Variants in ABTB3 observed in about 807,000 individuals in gnomAD.
The protein encoded by ABTB3 is ankyrin repeat- and BTB/POZ domain-containing protein 3.
the ABTB3 span, among the ~76,000 whole-genome samples, chr12:107,497,473 A>G: frequency 6.6e-6 from 1 of 150,622 alleles, no homozygotes; most frequent in African/African-American, 2.5e-5. Context: ...TATTACCACC[A>G]TCATCATCAC....
chr12:107,571,635 C>T, the ABTB3 span, among the ~76,000 whole-genome samples: 32 of 152,354 alleles, frequency 2.1e-4, no homozygotes, highest in Admixed American at 5.2e-4. Flanking sequence ...GCGTGTTTCG[C>T]GGCAGCCTCA....
the ABTB3 span, among the ~76,000 whole-genome samples, chr12:107,370,290 C>G: frequency 9.4e-3 from 1,437 of 152,324 alleles, 15 homozygotes; most frequent in African/African-American, 0.029. Flanking sequence ...TGGCCCATGT[C>G]GGTTCGTGGA....
At chr12:107,464,268 C>T in the ABTB3 span, among the ~76,000 whole-genome samples, 120 of 141,002 alleles carry the variant, frequency 8.5e-4, 3 homozygotes, top group South Asian at 0.026. Flanking sequence ...TGTATTTATG[C>T]AGTGGCCAGA....
chr12:107,338,766 A>G, the ABTB3 span, among the ~76,000 whole-genome samples: 7 of 152,232 alleles, frequency 4.6e-5, no homozygotes, highest in African/African-American at 1.7e-4. Flanking sequence ...ATCAGCAGTC[A>G]TCAGAGGTGA....
chr12:107,640,304 A>C, the ABTB3 span: 1 of 1,507,068 alleles, frequency 6.6e-7, no homozygotes, highest in Non-Finnish European at 9.1e-7. Flanking sequence ...TCCCTTTCCT[A>C]TTCCAGATCC....
At chr12:107,482,913 C>CTTTCT in the ABTB3 span, among the ~76,000 whole-genome samples, 140 of 118,042 alleles carry the variant, frequency 1.2e-3, 1 homozygote, top group Non-Finnish European at 1.4e-3. Flanking sequence ...TCTCTTTCTT[C>CTTTCT]TTCTTTCTTT....
At chr12:107,657,611 A>G in the ABTB3 span, 1 of 1,614,092 alleles carries the variant, frequency 6.2e-7, no homozygotes, top group Non-Finnish European at 8.5e-7. Flanking sequence ...CCTGTATGAC[A>G]AAAATGGTGA....
At chr12:107,648,689 A>G in the ABTB3 span, among the ~76,000 whole-genome samples, 3 of 152,170 alleles carry the variant, frequency 2.0e-5, no homozygotes, top group Non-Finnish European at 2.9e-5. Context: ...ACATTGTAAT[A>G]AGGAGCAGGT....
At chr12:107,411,925 T>C in the ABTB3 span, among the ~76,000 whole-genome samples, 1 of 152,152 alleles carries the variant, frequency 6.6e-6, no homozygotes, top group Non-Finnish European at 1.5e-5. Context: ...TGAGAGCAAG[T>C]CCTTTTATGG....
the ABTB3 span, among the ~76,000 whole-genome samples, chr12:107,564,088 CTCTGTGTGTGTGTG>C: frequency 7.4e-4 from 102 of 138,062 alleles, no homozygotes; most frequent in South Asian, 2.4e-3. Flanking sequence ...CTATCTATCT[CTCTGTGTGTGTGTG>C]TGTGTGTGTG....
chr12:107,357,203 G>A, the ABTB3 span, among the ~76,000 whole-genome samples: 1 of 152,306 alleles, frequency 6.6e-6, no homozygotes, highest in East Asian at 1.9e-4. Context: ...CATTTATGGG[G>A]CATATTTTGC....
chr12:107,550,725 T>C, the ABTB3 span, among the ~76,000 whole-genome samples: 6 of 151,800 alleles, frequency 4.0e-5, no homozygotes, highest in South Asian at 1.0e-3. Flanking sequence ...GGACTACAGG[T>C]GCATGCTATC....
the ABTB3 span, among the ~76,000 whole-genome samples, chr12:107,632,230 C>T: frequency 2.6e-5 from 4 of 152,012 alleles, no homozygotes; most frequent in African/African-American, 7.3e-5. Flanking sequence ...CACCGCTGTC[C>T]GCCAAAAAAG....
At chr12:107,498,377 G>T in the ABTB3 span, among the ~76,000 whole-genome samples, 1 of 152,184 alleles carries the variant, frequency 6.6e-6, no homozygotes, top group Non-Finnish European at 1.5e-5. Context: ...ACCCTGAGGA[G>T]CCTCGTGAAG....
the ABTB3 span, among the ~76,000 whole-genome samples, chr12:107,656,890 T>C: frequency 6.6e-6 from 1 of 151,984 alleles, no homozygotes; most frequent in Non-Finnish European, 1.5e-5. Flanking sequence ...CTAAGCCAGG[T>C]GCAGTGGCTC....
the ABTB3 span, chr12:107,615,076 C>T: frequency 1.9e-6 from 3 of 1,613,718 alleles, no homozygotes; most frequent in Non-Finnish European, 2.5e-6. Context: ...CAGTACTCCT[C>T]ATAAATATCC....
the ABTB3 span, among the ~76,000 whole-genome samples, chr12:107,598,382 T>C: frequency 1.3e-5 from 2 of 152,248 alleles, no homozygotes; most frequent in African/African-American, 4.8e-5. Context: ...ATGCCACTTC[T>C]ACTTACGTTT....
At chr12:107,402,835 C>T in the ABTB3 span, among the ~76,000 whole-genome samples, 1 of 152,192 alleles carries the variant, frequency 6.6e-6, no homozygotes, top group African/African-American at 2.4e-5. Flanking sequence ...ATTTGCAGCT[C>T]TATGACTGGC....
chr12:107,384,998 T>C, the ABTB3 span, among the ~76,000 whole-genome samples: 3 of 152,256 alleles, frequency 2.0e-5, no homozygotes, highest in African/African-American at 4.8e-5. Context: ...TATCTGTTGA[T>C]TGCTTGCACT....
Sources: allele counts gnomAD v4.1 joint callset (sites outside exome capture counted in the v4.1 genomes callset), GRCh38; gene constraint gnomAD v4.1.1; transcripts MANE v1.5; gene names NCBI Gene and HGNC (gene_info 2026-07-23, HGNC 2026-07-21).